SKAP1: variants seen among roughly 807,000 people sequenced by gnomAD.
The protein encoded by SKAP1 is src kinase associated phosphoprotein 1, also known as src kinase-associated phosphoprotein 1.
In SKAP1, 44 loss-of-function variants were observed where a neutral mutation model predicts 58.5. That is an observed-to-expected ratio of 0.75 (90% CI 0.59 to 0.97). SKAP1 has a LOEUF of 0.97. SKAP1 is among the 50% of genes least tolerant of loss of function. The pLI is 0.00. For missense variants in SKAP1, 390 were observed against 435.2 expected (o/e 0.90, Z 0.92); for synonymous variants, 127 against 149.7 (o/e 0.85, Z 1.11).
At chr17:48,265,012 G>A (rs2065528087) in intron 4 of SKAP1, among the ~76,000 whole-genome samples, 1 of 152,150 alleles carries the variant, frequency 6.6e-6, no homozygotes, top group Non-Finnish European at 1.5e-5. Flanking sequence ...ACTGGGGTGA[G>A]CCACAGCTCT....
intron 1 of SKAP1, among the ~76,000 whole-genome samples, chr17:48,405,438 TTTCTTTCTTTC>T (rs2067564600): frequency 1.2e-5 from 1 of 85,672 alleles, no homozygotes; most frequent in East Asian, 3.8e-4. Context: ...TCTTTCTTTC[TTTCTTTCTTTC>T]TTTTCTTTCT....
At chr17:48,330,982 C>T (rs1399383474) in intron 4 of SKAP1, among the ~76,000 whole-genome samples, 2 of 152,180 alleles carry the variant, frequency 1.3e-5, no homozygotes, top group African/African-American at 4.8e-5. Context: ...AACCTTAAAA[C>T]CTCATAACTC....
intron 4 of SKAP1, among the ~76,000 whole-genome samples, chr17:48,261,626 A>G (rs1490467882): frequency 6.6e-6 from 1 of 152,154 alleles, no homozygotes; most frequent in East Asian, 1.9e-4. Flanking sequence ...TCATGGGGGA[A>G]CAAACTGTAA....
intron 4 of SKAP1, chr17:48,193,703 C>G: frequency 1.0e-6 from 1 of 984,694 alleles, no homozygotes; most frequent in Non-Finnish European, 1.2e-6. Context: ...ACTAGTGATC[C>G]TGAGGATGAA....
intron 2 of SKAP1, among the ~76,000 whole-genome samples, chr17:48,374,310 G>T (rs1177681679): frequency 6.6e-6 from 1 of 151,414 alleles, no homozygotes; most frequent in Non-Finnish European, 1.5e-5. Context: ...AAAGTGCTGA[G>T]ATTACAGATG....
At chr17:48,292,333 A>G (rs981791675) in intron 4 of SKAP1, among the ~76,000 whole-genome samples, 1 of 152,136 alleles carries the variant, frequency 6.6e-6, no homozygotes, top group Admixed American at 6.5e-5. Context: ...ATGTGCTAAC[A>G]TTTGTAAAAA....
In SKAP1 at chr17:48,205,197, C is replaced by A. The variant is rs142938127; in HGVS notation, c.281-15697G>T. Among the ~76,000 whole-genome samples the A allele has an allele frequency of 1.4e-3, 206 of 151,484 alleles. 2 individuals are homozygous for A. Among genetic ancestry groups the A allele is most frequent in the African/African-American group, 4.9e-3 (202 of 41,190 alleles). On this transcript the variant is annotated intron_variant, in intron 4 of 12. Coordinates refer to ENST00000336915, the MANE Select transcript of SKAP1 (RefSeq NM_003726.4). ...TGATCTTGGTTCACTGCAGTCTCCACCTCCCAGGCTTAAGCAATCCTCCCA... is the reference window on the plus strand; with the variant it reads ...TGATCTTGGTTCACTGCAGTCTCCAACTCCCAGGCTTAAGCAATCCTCCCA...
chr17:48,202,158 CTA>C (rs2064736937), intron 4 of SKAP1, among the ~76,000 whole-genome samples: 1 of 152,310 alleles, frequency 6.6e-6, no homozygotes, highest in African/African-American at 2.4e-5. Context: ...TTTGCCTTCT[CTA>C]TGTCTCTCTA....
chr17:48,345,148 C>T (rs1288042824), intron 4 of SKAP1, among the ~76,000 whole-genome samples: 1 of 152,208 alleles, frequency 6.6e-6, no homozygotes, highest in Non-Finnish European at 1.5e-5. Context: ...AGAAGAGGCA[C>T]AGCGGATCCC....
In SKAP1 at chr17:48,388,332, G is replaced by A. The variant is rs189950825; in HGVS notation, c.152+8348C>T. On this transcript the variant is annotated intron_variant, in intron 2 of 12. Coordinates refer to ENST00000336915, the MANE Select transcript of SKAP1 (RefSeq NM_003726.4). ...GCCTGTAATCCCAGCTACTCACGAG[G>A]CTGAGGCAGGAGAATCACTTGAACC... Among the ~76,000 whole-genome samples the A allele has an allele frequency of 4.9e-4, 74 of 152,214 alleles. 1 individual carries two copies. The highest frequency in any genetic ancestry group is 1.3e-3 in the Admixed American group (20 of 15,292).
chr17:48,243,455 A>G (rs1245580606), intron 4 of SKAP1, among the ~76,000 whole-genome samples: 2 of 152,178 alleles, frequency 1.3e-5, no homozygotes, highest in South Asian at 2.1e-4. Flanking sequence ...CAAACAGTTC[A>G]TCTTTTGGAA....
chr17:48,204,986 TTTC>T lies in SKAP1; in HGVS notation c.281-15489_281-15487del, dbSNP rs1312174032. ...TCTTTTCTTTTCTTTTCTTTCTTTC[TTTC>T]TTTCTTTCTTTCTTTCTTTCTTTCT... On this transcript the variant is annotated intron_variant, in intron 4 of 12. Coordinates refer to ENST00000336915, the MANE Select transcript of SKAP1 (RefSeq NM_003726.4). Among the ~76,000 whole-genome samples, 119 of 43,028 alleles carry T rather than the reference TTTC, an allele frequency of 2.8e-3. 1 individual carries two copies. Among genetic ancestry groups the T allele is most frequent in the African/African-American group, 0.012 (110 of 9,130 alleles). The allele number at this position is 43,028 out of a possible 152,430, so 28.2% of individuals were successfully genotyped here. A position where few individuals can be genotyped will look rare whatever the true frequency, so the allele number is the denominator to read the frequency against.
intron 10 of SKAP1, among the ~76,000 whole-genome samples, chr17:48,165,223 G>A (rs990980397): frequency 2.0e-5 from 3 of 152,120 alleles, no homozygotes; most frequent in Non-Finnish European, 4.4e-5. Flanking sequence ...CTTGAAGAGG[G>A]GAAGAGATAA....
At chr17:48,323,793 TG>T (rs1567868086) in intron 4 of SKAP1, among the ~76,000 whole-genome samples, 3 of 151,890 alleles carry the variant, frequency 2.0e-5, no homozygotes, top group Admixed American at 1.3e-4. Context: ...CGATGCTGAG[TG>T]GGGTCAGGTT....
intron 1 of SKAP1, among the ~76,000 whole-genome samples, chr17:48,417,770 A>C (rs1227694578): frequency 6.6e-6 from 1 of 152,060 alleles, no homozygotes; most frequent in Non-Finnish European, 1.5e-5. Context: ...AAGAAAAAGA[A>C]AATTCTGCAT....
At chr17:48,392,981 C>T (rs914829946) in intron 2 of SKAP1, among the ~76,000 whole-genome samples, 18 of 152,080 alleles carry the variant, frequency 1.2e-4, no homozygotes, top group East Asian at 5.8e-4. Context: ...TCTCCCAATG[C>T]GTTAGAATGC....
At chr17:48,159,153 A>G (rs1022339344) in intron 11 of SKAP1, among the ~76,000 whole-genome samples, 1 of 152,190 alleles carries the variant, frequency 6.6e-6, no homozygotes, top group African/African-American at 2.4e-5. Context: ...TATTTATGAG[A>G]ACTGAAAACA....
intron 4 of SKAP1, among the ~76,000 whole-genome samples, chr17:48,275,285 T>C (rs2065684953): frequency 1.3e-5 from 2 of 152,216 alleles, no homozygotes; most frequent in African/African-American, 4.8e-5. Context: ...TTATTCTCTC[T>C]GATCTCCCTG....
chr17:48,384,718 T>C (rs576987058), intron 2 of SKAP1, among the ~76,000 whole-genome samples: 2 of 152,300 alleles, frequency 1.3e-5, no homozygotes, highest in Non-Finnish European at 2.9e-5. Context: ...TAGATCATGA[T>C]TCTGTTGTCA....
Sources: allele counts gnomAD v4.1 joint callset (sites outside exome capture counted in the v4.1 genomes callset), GRCh38; gene constraint gnomAD v4.1.1; transcripts MANE v1.5; gene names NCBI Gene and HGNC (gene_info 2026-07-23, HGNC 2026-07-21).